Variants in SHLD1 observed in about 807,000 individuals in gnomAD.
SHLD1 encodes shieldin complex subunit 1, also known as RINN1-REV7-interacting novel NHEJ regulator 3.
In SHLD1, 3 loss-of-function variants were observed where a neutral mutation model predicts 5.5. That is an observed-to-expected ratio of 0.54 (90% CI 0.25 to 1.40). The LOEUF (loss-of-function observed/expected upper bound fraction) is 1.40, where lower values mean the gene tolerates loss of function less well. SHLD1 is among the 40% of genes most tolerant of loss of function. The pLI is 0.15. For synonymous variants in SHLD1, 92 were observed against 94.3 expected, an observed-to-expected ratio of 0.98 and a Z score of 0.14; for missense variants, 210 against 244.4, an observed-to-expected ratio of 0.86 and a Z score of 0.94.
intron 2 of SHLD1, among the ~76,000 whole-genome samples, chr20:5,810,887 CAAA>C (rs10627373): frequency 8.3e-6 from 1 of 120,862 alleles, no homozygotes; most frequent in Non-Finnish European, 1.7e-5. Flanking sequence ...GACTCTGTCT[CAAA>C]AAAAAAAAAA....
chr20:5,833,109 T>A lies in SHLD1; in HGVS notation c.179-29915T>A, dbSNP rs1434993254. On this transcript the variant is annotated intron_variant, in intron 2 of 2. Coordinates refer to ENST00000303142, the MANE Select transcript of SHLD1 (RefSeq NM_152504.4). ...CATACACCATACAGTGCTAGTACTC[T>A]TGCTCTTTCCTCCTAAAAATAGACT... Among the ~76,000 whole-genome samples the A allele has an allele frequency of 2.6e-5, 4 of 151,904 alleles. No homozygotes were observed. In the East Asian group the frequency reaches 7.8e-4, roughly 30 times the overall value.
At chr20:5,829,184 TTA>T (rs1413946398) in intron 2 of SHLD1, among the ~76,000 whole-genome samples, 1 of 152,196 alleles carries the variant, frequency 6.6e-6, no homozygotes, top group Admixed American at 6.5e-5. Context: ...CCAGATTTTA[TTA>T]TTAATTAATG....
At chr20:5,782,250 G>T (rs6053679) in intron 2 of SHLD1, among the ~76,000 whole-genome samples, 35,516 of 152,082 alleles carry the variant, frequency 0.23, 4,199 homozygotes, top group Middle Eastern at 0.32. Context: ...ATGGAAGAGC[G>T]GAGTTAAGAA....
At chr20:5,849,222 A>G (rs2087968895) in intron 2 of SHLD1, among the ~76,000 whole-genome samples, 1 of 152,208 alleles carries the variant, frequency 6.6e-6, no homozygotes, top group Non-Finnish European at 1.5e-5. Context: ...TGGTGTTACG[A>G]CGCAGCAGGG....
chr20:5,844,738 T>C (rs1041503005), intron 2 of SHLD1, among the ~76,000 whole-genome samples: 1 of 149,726 alleles, frequency 6.7e-6, no homozygotes, highest in Non-Finnish European at 1.5e-5. Context: ...TGGAGTTTCC[T>C]TTTGATATAA....
At chr20:5,817,027 C>T (rs2087539115) in intron 2 of SHLD1, among the ~76,000 whole-genome samples, 1 of 152,138 alleles carries the variant, frequency 6.6e-6, no homozygotes, top group African/African-American at 2.4e-5. Context: ...CGAGATTGTG[C>T]CACTGCACTC....
In SHLD1 at chr20:5,863,458, C is replaced by G. The variant is rs1013659039; in HGVS notation, c.613C>G (p.Leu205Val). Reference protein sequence around the residue: ...FLLQQNVMKDL With the variant: ...FLLQQNVMKDV ...CTTGCAGCAGAATGTAATGAAAGAC[C>G]TGTAACTGGTGCCGGGCAGTGTGCA... The change falls in exon 3 of 3, where the codon CTG becomes GTG. Residue 205 changes from leucine to valine, a missense_variant. Transcript: ENST00000303142. 1 of 1,596,114 alleles carries G rather than the reference C, an allele frequency of 6.3e-7. No individual in the cohort carries two copies. Among genetic ancestry groups the G allele is most frequent in the Non-Finnish European group, 8.5e-7 (1 of 1,171,620 alleles).
At chr20:5,766,958 C>T (rs543577261) in intron 1 of SHLD1, among the ~76,000 whole-genome samples, 13 of 152,058 alleles carry the variant, frequency 8.5e-5, no homozygotes, top group Non-Finnish European at 1.9e-4. Context: ...GAAGTTCTGA[C>T]TGTCGTTTTA....
At chr20:5,773,100 G>A (rs764442989) in intron 2 of SHLD1, 57 bp downstream of exon 2, 1 of 1,566,328 alleles carries the variant, frequency 6.4e-7, no homozygotes, top group Non-Finnish European at 8.8e-7. Flanking sequence ...CAATACGGGT[G>A]TGTGATAGTT....
chr20:5,842,582 C>T (rs1002862918), intron 2 of SHLD1, among the ~76,000 whole-genome samples: 23 of 152,198 alleles, frequency 1.5e-4, no homozygotes, highest in African/African-American at 4.3e-4. Flanking sequence ...TCTCATTGTG[C>T]ATTGCCTTTC....
intron 2 of SHLD1, among the ~76,000 whole-genome samples, chr20:5,780,136 A>G (rs1200860653): frequency 6.6e-6 from 1 of 151,666 alleles, no homozygotes; most frequent in African/African-American, 2.4e-5. Flanking sequence ...GCACCACCAC[A>G]CCCAGCTAAT....
rs746342498 is a variant in SHLD1, at chr20:5,863,072, A to ACTTCTGGCTTGACC, written c.230_243dup (p.Ala82SerfsTer7). Reference sequence around the variant, plus strand: ...CAAAATAACTCCTGGACCGCTGAGAACTTCTGGCTTGACCCTGCTGTGAAA... The same window carrying ACTTCTGGCTTGACC: ...CAAAATAACTCCTGGACCGCTGAGAACTTCTGGCTTGACCCTTCTGGCTTGACCCTGCTGTGAAA... On this transcript the variant is annotated frameshift_variant, in exon 3 of 3. Coordinates refer to ENST00000303142, the MANE Select transcript of SHLD1 (RefSeq NM_152504.4). LOFTEE classifies it low-confidence loss of function (END_TRUNC). The ACTTCTGGCTTGACC allele has an allele frequency of 6.8e-6, 11 of 1,613,734 alleles. No homozygotes were observed. The East Asian group carries it at 2.5e-4, about 36-fold the overall frequency.
chr20:5,767,718 A>G (rs1329843581), intron 1 of SHLD1, among the ~76,000 whole-genome samples: 7 of 152,206 alleles, frequency 4.6e-5, no homozygotes. Context: ...GCCAGCTATC[A>G]TAAGAGTTAT....
At chr20:5,839,909 G>A (rs237092) in intron 2 of SHLD1, among the ~76,000 whole-genome samples, 33,548 of 152,092 alleles carry the variant, frequency 0.22, 3,920 homozygotes, top group East Asian at 0.28. Context: ...TTTTCAGGTT[G>A]TCCCTGCGCC....
At chr20:5,805,167 T>C (rs773236781) in intron 2 of SHLD1, among the ~76,000 whole-genome samples, 1 of 152,216 alleles carries the variant, frequency 6.6e-6, no homozygotes, top group African/African-American at 2.4e-5. Flanking sequence ...TTTGCTGCTG[T>C]TGTTTTTGAG....
chr20:5,782,110 G>T (rs1314775422), intron 2 of SHLD1, among the ~76,000 whole-genome samples: 1 of 152,156 alleles, frequency 6.6e-6, no homozygotes, highest in Non-Finnish European at 1.5e-5. Flanking sequence ...CCACTCCAGA[G>T]ATGGCTGAAT....
At chr20:5,770,194 T>G (rs1225038888) in intron 1 of SHLD1, among the ~76,000 whole-genome samples, 3 of 152,056 alleles carry the variant, frequency 2.0e-5, no homozygotes, top group Non-Finnish European at 2.9e-5. Context: ...TTGATAGTGT[T>G]TTTTGATGAA....
At chr20:5,790,499 C>T (rs1011378449) in intron 2 of SHLD1, among the ~76,000 whole-genome samples, 1 of 135,528 alleles carries the variant, frequency 7.4e-6, no homozygotes, top group Admixed American at 8.4e-5. Flanking sequence ...TTCACCGAGG[C>T]TGGAGTGCAA....
At chr20:5,779,133 T>C (rs1985573752) in intron 2 of SHLD1, among the ~76,000 whole-genome samples, 1 of 149,818 alleles carries the variant, frequency 6.7e-6, no homozygotes. Flanking sequence ...ACCTGGGAGG[T>C]GGAGGCTGCA....
Sources: allele counts gnomAD v4.1 joint callset (sites outside exome capture counted in the v4.1 genomes callset), GRCh38; gene constraint gnomAD v4.1.1; transcripts MANE v1.5; gene names NCBI Gene and HGNC (gene_info 2026-07-23, HGNC 2026-07-21).